The following FAM53A variants were observed in gnomAD, a reference collection of about 807,000 sequenced individuals.
FAM53A encodes family with sequence similarity 53 member A, also known as protein FAM53A.
In FAM53A, 28 loss-of-function variants were observed where a neutral mutation model predicts 26.6. The observed-to-expected ratio is 1.05, with a 90% CI of 0.78 to 1.45. FAM53A has a LOEUF of 1.45. FAM53A is among the 40% of genes most tolerant of loss of function. The pLI, the probability that FAM53A is intolerant of heterozygous loss-of-function variation, is 0.00. For missense variants in FAM53A, 650 were observed against 575.8 expected (o/e 1.13, Z -1.32); for synonymous variants, 290 against 253.1 (o/e 1.15, Z -1.38).
In FAM53A at chr4:1,655,313, C is replaced by T. The variant is rs892669659; in HGVS notation, c.547G>A (p.Ala183Thr). ...CTGGCGGAGGACGGCCGGGGCGTGGCGGGCGAGGTGGGACCGGTCGACCAC... is the reference window on the plus strand; with the variant it reads ...CTGGCGGAGGACGGCCGGGGCGTGGTGGGCGAGGTGGGACCGGTCGACCAC... Reference protein sequence around the residue: ...AVWSTGPTSPATPRPSSASGG... With the variant: ...AVWSTGPTSPTTPRPSSASGG... Residue 183 changes from alanine (A) to threonine (T), a missense_variant, in exon 4 of 5, where the codon GCC becomes ACC. Physicochemically the swap from Ala to Thr is moderately conservative, Grantham distance 58 (BLOSUM62 0). Coordinates refer to ENST00000308132, the MANE Select transcript of FAM53A (RefSeq NM_001174070.3). 13 of 1,417,152 alleles carry T rather than the reference C, an allele frequency of 9.2e-6. No homozygotes were observed. In the Admixed American group the frequency reaches 9.6e-5, roughly 10 times the overall value. 87.8% of individuals were successfully genotyped at this position (1,417,152 alleles called of 1,614,324 possible).
At chr4:1,604,663 A>C in the FAM53A span, among the ~76,000 whole-genome samples, 85,326 of 151,826 alleles carry the variant, frequency 0.56, 24,463 homozygotes, top group African/African-American at 0.63. Flanking sequence ...TGCACTGCCC[A>C]CTTCCTCCGA....
At chr4:1,644,485 A>G in intron 4 of FAM53A, 2 of 1,078,868 alleles carry the variant, frequency 1.9e-6, no homozygotes, top group South Asian at 3.4e-5. Flanking sequence ...TGAAGGGGCC[A>G]CCCACGCTGT....
the FAM53A span, among the ~76,000 whole-genome samples, chr4:1,596,933 G>A: frequency 1.3e-5 from 2 of 152,114 alleles, no homozygotes; most frequent in Non-Finnish European, 2.9e-5. Context: ...CCCCTGGCAG[G>A]TGGGAAAGGC....
At chr4:1,610,127 A>G in the FAM53A span, among the ~76,000 whole-genome samples, 1 of 148,418 alleles carries the variant, frequency 6.7e-6, no homozygotes, top group African/African-American at 2.5e-5. Context: ...ATAACCCCTC[A>G]TCATGGATGC....
At position 1,655,207 on chromosome 4, in the gene FAM53A, G is replaced by A. The variant is rs201660800; in HGVS notation, c.653C>T (p.Thr218Met). Residue 218 changes from threonine (T) to methionine (M), a missense_variant, in exon 4 of 5, where the codon ACG becomes ATG. Thr to Met is a moderately conservative substitution (Grantham distance 81, BLOSUM62 -1). Coordinates refer to ENST00000308132, the MANE Select transcript of FAM53A (RefSeq NM_001174070.3). ...WCSAESCLPS[T>M]RRRPSLSQER... ...CTGTGAGAGGGACGGGCGGCGCCTC[G>A]TGGAGGGCAAGCAGGACTCCGCGGA... is the stretch of plus-strand genomic sequence containing the variant. 3.7e-5 allele frequency: 57 copies of A among 1,556,006 alleles called. No individual in the cohort carries two copies. The highest frequency in any genetic ancestry group is 3.5e-4 in the Middle Eastern group (2 of 5,660).
chr4:1,611,942 A>G, the FAM53A span, among the ~76,000 whole-genome samples: 5 of 152,228 alleles, frequency 3.3e-5, no homozygotes, highest in South Asian at 1.0e-3. Flanking sequence ...GACCGGCGGC[A>G]TTGATCCCCA....
At chr4:1,624,053 G>T (rs1043795972) in intron 1 of FAM53A, among the ~76,000 whole-genome samples, 1 of 152,206 alleles carries the variant, frequency 6.6e-6, no homozygotes, top group Non-Finnish European at 1.5e-5. Flanking sequence ...GCAGGCTGTG[G>T]GTGGCCTGTC....
At chr4:1,606,848 T>C in the FAM53A span, among the ~76,000 whole-genome samples, 2 of 152,200 alleles carry the variant, frequency 1.3e-5, no homozygotes, top group African/African-American at 4.8e-5. Context: ...TCCACTCCCT[T>C]GGGCCTGTAC....
the FAM53A span, among the ~76,000 whole-genome samples, chr4:1,608,223 C>A: frequency 6.6e-6 from 1 of 152,250 alleles, no homozygotes; most frequent in East Asian, 1.9e-4. Flanking sequence ...TCAGCCCCTC[C>A]CGGCCTCTCC....
At chr4:1,602,537 C>T in the FAM53A span, among the ~76,000 whole-genome samples, 13,370 of 152,208 alleles carry the variant, frequency 0.088, 1,752 homozygotes, top group African/African-American at 0.28. Context: ...GTATCGGCAG[C>T]GGCCTCGAAA....
At chr4:1,608,707 C>T in the FAM53A span, among the ~76,000 whole-genome samples, 2 of 152,278 alleles carry the variant, frequency 1.3e-5, no homozygotes, top group South Asian at 2.1e-4. Context: ...AGTGCCTGGC[C>T]TCAGCCCCGT....
chr4:1,613,900 C>T (rs1714714039), downstream of FAM53A, among the ~76,000 whole-genome samples: 1 of 152,244 alleles, frequency 6.6e-6, no homozygotes, highest in Non-Finnish European at 1.5e-5. Context: ...ACCTGTACCT[C>T]AGGTCCCACG....
intron 1 of FAM53A, among the ~76,000 whole-genome samples, chr4:1,632,457 C>T (rs892720679): frequency 5.3e-5 from 8 of 152,136 alleles, no homozygotes; most frequent in African/African-American, 1.4e-4. Flanking sequence ...CTGTTTAAGC[C>T]CACTGTGCAG....
chr4:1,609,920 G>A, the FAM53A span, among the ~76,000 whole-genome samples: 8 of 152,134 alleles, frequency 5.3e-5, no homozygotes, highest in Middle Eastern at 3.4e-3. Flanking sequence ...CCGAGATCGC[G>A]CCACTGCACT....
intron 2 of FAM53A, 116 bp downstream of exon 2, chr4:1,668,551 C>G: frequency 4.3e-6 from 5 of 1,167,758 alleles, no homozygotes; most frequent in Non-Finnish European, 6.2e-6. Flanking sequence ...CCTGGCCCAG[C>G]AGGGCCCCCC....
chr4:1,610,238 G>C, the FAM53A span, among the ~76,000 whole-genome samples: 1 of 147,328 alleles, frequency 6.8e-6, no homozygotes, highest in Non-Finnish European at 1.5e-5. Flanking sequence ...CCCACTCAAC[G>C]CGCTGCCCCC....
chr4:1,679,082 A>T (rs1269011286), intron 1 of FAM53A, among the ~76,000 whole-genome samples: 1 of 152,204 alleles, frequency 6.6e-6, no homozygotes, highest in Non-Finnish European at 1.5e-5. Context: ...AGAATAAAAA[A>T]CAGTTCCAGA....
At chr4:1,666,580 C>T (rs780250018) in intron 2 of FAM53A, among the ~76,000 whole-genome samples, 8 of 152,274 alleles carry the variant, frequency 5.3e-5, no homozygotes, top group South Asian at 2.1e-4. Context: ...AAGCTGCGCA[C>T]GCCCTGGCTG....
chr4:1,625,614 A>C (rs1715257356), intron 1 of FAM53A, among the ~76,000 whole-genome samples: 1 of 88,614 alleles, frequency 1.1e-5, no homozygotes, highest in Non-Finnish European at 2.4e-5. Context: ...GTCCCGACCC[A>C]CGTGGTCAGG....
Sources: gnomAD v4.1 joint callset for allele counts (sites outside exome capture counted in the v4.1 genomes callset) on GRCh38, gnomAD v4.1.1 for gene constraint, MANE v1.5 for transcripts, NCBI Gene and HGNC (gene_info 2026-07-23, HGNC 2026-07-21) for gene names.